Variants in NAV1 observed in about 807,000 individuals in gnomAD.
The protein encoded by NAV1 is neuron navigator 1, also known as pore membrane and/or filament interacting like protein 3.
In NAV1, 18 loss-of-function variants were observed where a neutral mutation model predicts 175.2. The observed-to-expected ratio is 0.10, with a 90% CI of 0.07 to 0.15. NAV1 has a LOEUF of 0.15. NAV1 is among the 10% of genes least tolerant of loss of function. NAV1 has a pLI of 1.00. For missense variants in NAV1, 1,731 were observed against 2,436.6 expected (o/e 0.71, Z 6.10); for synonymous variants, 897 against 978.7 (o/e 0.92, Z 1.56).
At chr1:201,717,632 C>T (rs1672190290) in intron 2 of NAV1, among the ~76,000 whole-genome samples, 1 of 152,202 alleles carries the variant, frequency 6.6e-6, no homozygotes, top group Non-Finnish European at 1.5e-5. Context: ...TGGCTTCACC[C>T]CCATGTCTGG....
intron 1 of NAV1, among the ~76,000 whole-genome samples, chr1:201,662,314 G>A (rs1420447308): frequency 2.6e-5 from 4 of 152,248 alleles, no homozygotes; most frequent in Non-Finnish European, 5.9e-5. Flanking sequence ...CAGTTTGTAG[G>A]ATCTATGGCT....
chr1:201,700,802 G>A (rs1671385095), intron 1 of NAV1, among the ~76,000 whole-genome samples: 2 of 151,936 alleles, frequency 1.3e-5, no homozygotes, highest in Non-Finnish European at 2.9e-5. Flanking sequence ...ACGAGGTCAG[G>A]AGATCGAGAC....
chr1:201,636,983 A>G (rs1317087402), intron 2 of NAV1, among the ~76,000 whole-genome samples: 1 of 152,232 alleles, frequency 6.6e-6, no homozygotes, highest in African/African-American at 2.4e-5. Context: ...ACTCCCACCT[A>G]TCACGCCAAT....
chr1:201,625,287 T>G (rs1023803380), intron 1 of NAV1, among the ~76,000 whole-genome samples: 7 of 152,182 alleles, frequency 4.6e-5, no homozygotes, highest in African/African-American at 1.7e-4. Flanking sequence ...TAAGATGAAT[T>G]AGATTTACTT....
In NAV1 at chr1:201,718,585, C is replaced by A. The variant is rs375350311; in HGVS notation, c.1056C>A (p.Ala352=). Residue 352 remains alanine, a synonymous_variant, in exon 3 of 30, where the codon GCC becomes GCA. Coordinates refer to ENST00000367296, the Ensembl canonical transcript of NAV1. The surrounding 1 kb of genome is among the most constrained non-coding windows in gnomAD (Gnocchi z 4.8). ...CCTGGTACATGCACGGCGAACGGGC[C>A]CACTACTCCCACACCATGCCCATGC... The A allele has an allele frequency of 1.9e-6, 3 of 1,614,008 alleles. No homozygotes were observed. In the African/African-American group the frequency reaches 4.0e-5, roughly 22 times the overall value.
chr1:201,579,950 G>A (rs960696127), intron 1 of NAV1, among the ~76,000 whole-genome samples: 1 of 152,170 alleles, frequency 6.6e-6, no homozygotes, highest in Non-Finnish European at 1.5e-5. Flanking sequence ...AAAGGCCTCA[G>A]ACCCAGGCAA....
chr1:201,656,710 G>A (rs536453132), intron 1 of NAV1, among the ~76,000 whole-genome samples: 4 of 152,302 alleles, frequency 2.6e-5, no homozygotes, highest in South Asian at 2.1e-4. Flanking sequence ...CAAACTCACC[G>A]GCTTGCAGCA....
In NAV1 at chr1:201,810,356, A is replaced by T. The variant is rs933496537; in HGVS notation, c.4562-167A>T. On this transcript the variant is annotated intron_variant, in intron 23 of 29. Coordinates refer to ENST00000367296, the Ensembl canonical transcript of NAV1. The surrounding 1 kb of genome is among the most constrained non-coding windows in gnomAD (Gnocchi z 6.0). ...CTCACAGCATGTCCCTAAAAAGAAGATCTAAGTTTTCAAAACTAGGGGTTA... is the reference window on the plus strand; with the variant it reads ...CTCACAGCATGTCCCTAAAAAGAAGTTCTAAGTTTTCAAAACTAGGGGTTA... Among the ~76,000 whole-genome samples the T allele has an allele frequency of 2.0e-5, 3 of 151,984 alleles. No homozygotes were observed. The highest frequency in any genetic ancestry group is 2.9e-5 in the Non-Finnish European group (2 of 68,004).
At chr1:201,657,472 C>T (rs1449163459) in intron 1 of NAV1, among the ~76,000 whole-genome samples, 2 of 152,204 alleles carry the variant, frequency 1.3e-5, no homozygotes, top group East Asian at 3.8e-4. Context: ...CTCCATTCGT[C>T]TTTCTGCTTT....
intron 2 of NAV1, among the ~76,000 whole-genome samples, chr1:201,713,710 T>TG (rs1048426329): frequency 5.9e-5 from 9 of 152,164 alleles, no homozygotes; most frequent in Admixed American, 2.0e-4. Flanking sequence ...TGGGAAATCA[T>TG]GGGGGGTGTG....
At chr1:201,763,317 A>G (rs961468215) in intron 3 of NAV1, among the ~76,000 whole-genome samples, 6 of 152,246 alleles carry the variant, frequency 3.9e-5, no homozygotes, top group Admixed American at 3.3e-4. Context: ...TCAGTACTCC[A>G]GAGCTTGCTC....
chr1:201,761,928 G>A (rs887136624), intron 3 of NAV1, among the ~76,000 whole-genome samples: 1 of 152,048 alleles, frequency 6.6e-6, no homozygotes, highest in African/African-American at 2.4e-5. Context: ...CAAGGCGGGA[G>A]GATAACTTGA....
chr1:201,824,944 G>A (rs1383189900), exon 30 of NAV1: 1 of 152,110 alleles, frequency 6.6e-6, no homozygotes, highest in Non-Finnish European at 1.5e-5. Flanking sequence ...AAATTCAACT[G>A]TTTTAAAGGG....
At chr1:201,626,359 C>T (rs1668330089) in intron 1 of NAV1, among the ~76,000 whole-genome samples, 1 of 152,256 alleles carries the variant, frequency 6.6e-6, no homozygotes, top group Non-Finnish European at 1.5e-5. Context: ...CACCTGCTTC[C>T]CTCCCCATCT....
intron 3 of NAV1, among the ~76,000 whole-genome samples, chr1:201,755,471 AGAG>A (rs1674398352): frequency 6.6e-6 from 1 of 152,062 alleles, no homozygotes; most frequent in Admixed American, 6.5e-5. Context: ...AAGAAGAGAA[AGAG>A]GAGGAAGAGG....
At chr1:201,670,417 C>A (rs1260717786) in intron 1 of NAV1, among the ~76,000 whole-genome samples, 1 of 143,190 alleles carries the variant, frequency 7.0e-6, no homozygotes, top group African/African-American at 2.6e-5. Context: ...AAGGTAAGCT[C>A]ATCTCAGCTG....
At chr1:201,616,427 T>A (rs1668003208) in intron 2 of NAV1, among the ~76,000 whole-genome samples, 1 of 151,996 alleles carries the variant, frequency 6.6e-6, no homozygotes, top group Non-Finnish European at 1.5e-5. Flanking sequence ...CCTCCCCAGA[T>A]CCTGCCTCAC....
At chr1:201,667,666 A>C (rs1400515043) in intron 1 of NAV1, among the ~76,000 whole-genome samples, 1 of 152,122 alleles carries the variant, frequency 6.6e-6, no homozygotes, top group Non-Finnish European at 1.5e-5. Context: ...CTGACCCATG[A>C]ATTTTTAAAA....
At chr1:201,796,832 GTTAT>G (rs1350199326) in intron 15 of NAV1, 1 of 152,124 alleles carries the variant, frequency 6.6e-6, no homozygotes, top group Non-Finnish European at 1.5e-5. Flanking sequence ...TTAAAATCAG[GTTAT>G]TTGTCTTTTG....
Sources: allele counts gnomAD v4.1 joint callset (sites outside exome capture counted in the v4.1 genomes callset), GRCh38; gene constraint gnomAD v4.1.1; non-coding constraint Gnocchi (gnomAD v3.1); transcripts MANE v1.5; gene names NCBI Gene and HGNC (gene_info 2026-07-23, HGNC 2026-07-21).